The following LRP2 variants were observed in gnomAD, a reference collection of about 807,000 sequenced individuals.
LRP2 encodes the protein low-density lipoprotein receptor-related protein 2.
LRP2 carries 172 observed loss-of-function variants against 531.0 expected under a neutral mutation model. The ratio of observed to expected loss-of-function variants is 0.32; its 90% CI spans 0.29 to 0.37. The LOEUF is 0.37. LRP2 is among the 10% of genes least tolerant of loss of function. LRP2 has a pLI of 1.00. For synonymous variants in LRP2, 1,992 were observed against 2,027.6 expected (o/e 0.98, Z 0.47); for missense variants, 5,167 against 5,868.3 (o/e 0.88, Z 3.90).
In LRP2 at chr2:169,202,793, G is replaced by C; in HGVS notation, c.8172C>G (p.Asp2724Glu). ...CCATCTCATCACTGCCATCCCCACA[G>C]TCGTTGTCATTATCACACTTCCACT... The part of the protein sequence containing the change: ...SEEWKCDNDN[D>E]CGDGSDEMES... Residue 2724 changes from aspartate to glutamate, a missense_variant, in exon 43 of 79, where the codon GAC becomes GAG. Physicochemically the swap from Asp to Glu is conservative, Grantham distance 45 (BLOSUM62 2). Transcript: ENST00000649046. The C allele has an allele frequency of 6.2e-7, 1 of 1,614,118 alleles. No individual in the cohort carries two copies. The highest frequency in any genetic ancestry group is 2.2e-5 in the East Asian group (1 of 44,880).
At chr2:169,204,346 T>C (rs866349625) in intron 41 of LRP2, 75 bp from the exon 42 acceptor site, 2 of 1,338,164 alleles carry the variant, frequency 1.5e-6, no homozygotes. Context: ...GCCCAATGCA[T>C]GCGCCTCATC....
At chr2:169,348,303 A>T (rs1406654651) in intron 1 of LRP2, among the ~76,000 whole-genome samples, 1 of 152,208 alleles carries the variant, frequency 6.6e-6, no homozygotes, top group Non-Finnish European at 1.5e-5. Context: ...TGGAGTCCTC[A>T]AAAGAATGGG....
At chr2:169,132,977 C>T (rs1042894239) in intron 76 of LRP2, among the ~76,000 whole-genome samples, 1 of 152,176 alleles carries the variant, frequency 6.6e-6, no homozygotes, top group Non-Finnish European at 1.5e-5. Flanking sequence ...ATTCTCTATA[C>T]CTTCTTACTC....
At chr2:169,242,138 G>A (rs1428293128) in intron 24 of LRP2, among the ~76,000 whole-genome samples, 5 of 152,116 alleles carry the variant, frequency 3.3e-5, no homozygotes, top group African/African-American at 1.2e-4. Context: ...TTTAATCCAT[G>A]GCTTTACACA....
intron 1 of LRP2, among the ~76,000 whole-genome samples, chr2:169,327,788 C>G (rs1447654598): frequency 8.5e-6 from 1 of 117,758 alleles, no homozygotes; most frequent in African/African-American, 3.4e-5. Context: ...GCCAGCCGCC[C>G]CGTCTGGGAG....
chr2:169,228,806 G>A (rs979553462), intron 31 of LRP2, among the ~76,000 whole-genome samples: 2 of 152,216 alleles, frequency 1.3e-5, no homozygotes, highest in Non-Finnish European at 2.9e-5. Flanking sequence ...GGGGGATGAT[G>A]CCAGGGGAGT....
intron 72 of LRP2, among the ~76,000 whole-genome samples, chr2:169,139,884 G>C (rs1446657561): frequency 1.3e-5 from 2 of 152,208 alleles, no homozygotes. Flanking sequence ...TCTATGCAAT[G>C]CTTCCTTAGA....
chr2:169,301,739 C>A (rs1574235944), intron 4 of LRP2, among the ~76,000 whole-genome samples: 1 of 152,090 alleles, frequency 6.6e-6, no homozygotes, highest in African/African-American at 2.4e-5. Context: ...TGCCTGCCTC[C>A]CTGAGAGGAC....
intron 19 of LRP2, among the ~76,000 whole-genome samples, chr2:169,248,674 A>G (rs549569802): frequency 8.1e-6 from 1 of 124,126 alleles, no homozygotes; most frequent in Non-Finnish European, 1.7e-5. Flanking sequence ...TACAGCTCCC[A>G]GCGTGAGCGA....
At chr2:169,344,827 G>T (rs1329585408) in intron 1 of LRP2, among the ~76,000 whole-genome samples, 1 of 152,154 alleles carries the variant, frequency 6.6e-6, no homozygotes, top group Non-Finnish European at 1.5e-5. Context: ...GAGCAAAGGT[G>T]TCCTTAAGCC....
intron 77 of LRP2, among the ~76,000 whole-genome samples, chr2:169,130,056 A>G (rs897288718): frequency 3.5e-4 from 54 of 152,200 alleles, no homozygotes; most frequent in African/African-American, 1.2e-3. Context: ...TGCTTTGTAC[A>G]TAGTGCCCCC....
intron 76 of LRP2, among the ~76,000 whole-genome samples, chr2:169,134,889 T>C (rs1051328012): frequency 6.6e-6 from 1 of 152,212 alleles, no homozygotes; most frequent in African/African-American, 2.4e-5. Flanking sequence ...ATCCCATCGC[T>C]CAGGACAATG....
rs114533035 is a variant in LRP2 at position 169,220,579 on chromosome 2, A to C, written c.5539-16T>G. 1,871 of 1,529,618 alleles carry C rather than the reference A, an allele frequency of 1.2e-3. 19 individuals carry two copies. In the African/African-American group the frequency reaches 0.019, roughly 16 times the overall value. The allele number at this position is 1,529,618 out of a possible 1,614,324, so 94.8% of individuals were successfully genotyped here. A position where few individuals can be genotyped will look rare whatever the true frequency, so the allele number is the denominator to read the frequency against. ...GTGTCAAAACCTATAGCATAAAATC[A>C]CTTATTAGAACTGACTTTCATAAGG... On this transcript the variant is annotated splice_polypyrimidine_tract_variant and intron_variant, in intron 33 of 78. Coordinates refer to ENST00000649046, the MANE Select transcript of LRP2 (RefSeq NM_004525.3).
intron 76 of LRP2, among the ~76,000 whole-genome samples, chr2:169,136,464 A>C (rs868237817): frequency 2.3e-4 from 35 of 152,288 alleles, no homozygotes; most frequent in African/African-American, 8.2e-4. Flanking sequence ...AGATGGCCTG[A>C]AGTAACTGAA....
chr2:169,292,144 C>G, intron 7 of LRP2, 109 bp downstream of exon 7: 2 of 888,388 alleles, frequency 2.3e-6, no homozygotes, highest in East Asian at 2.4e-5. Flanking sequence ...CCAGCCAATC[C>G]TGAGGCTTGC....
At chr2:169,237,849 G>T (rs1689661216) in intron 27 of LRP2, among the ~76,000 whole-genome samples, 1 of 152,144 alleles carries the variant, frequency 6.6e-6, no homozygotes, top group Admixed American at 6.6e-5. Context: ...ACATTGTGAG[G>T]TCTCTGCATC....
chr2:169,185,788 T>A lies in LRP2; in HGVS notation c.9560A>T (p.Asp3187Val). 3 of 1,613,986 alleles carry A rather than the reference T, an allele frequency of 1.9e-6. No homozygotes were observed. In the South Asian group the frequency reaches 3.3e-5, roughly 18 times the overall value. The change falls in exon 50 of 79, where the codon GAT becomes GTT. Residue 3187 changes from aspartate to valine, a missense_variant. This residue lies in a region of LRP2 where 1,129 missense variants were observed against 1,362.7 expected (regional missense o/e 0.83). Coordinates refer to ENST00000649046, the MANE Select transcript of LRP2 (RefSeq NM_004525.3). Reference sequence around the variant, plus strand: ...ACTGTTTTGCCGGCAGGTCTTTCCATCTGGTTCTCGGAGGTAGCCTGGGGC... The same window carrying A: ...ACTGTTTTGCCGGCAGGTCTTTCCAACTGGTTCTCGGAGGTAGCCTGGGGC... ...KCAPGYLREP[D>V]GKTCRQNSNI...
At chr2:169,217,759 ACTT>A (rs1360541082) in intron 34 of LRP2, among the ~76,000 whole-genome samples, 1 of 152,112 alleles carries the variant, frequency 6.6e-6, no homozygotes, top group Non-Finnish European at 1.5e-5. Flanking sequence ...AAGTCATTCT[ACTT>A]CATAAATTTC....
chr2:169,324,796 C>T (rs1036047087), intron 1 of LRP2, among the ~76,000 whole-genome samples: 1 of 152,134 alleles, frequency 6.6e-6, no homozygotes, highest in African/African-American at 2.4e-5. Flanking sequence ...AGGAACAACA[C>T]TGGATTGAGA....
Sources: gnomAD v4.1 joint callset for allele counts (sites outside exome capture counted in the v4.1 genomes callset) on GRCh38, gnomAD v4.1.1 for gene constraint, gnomAD v4.1.1 regional missense constraint, MANE v1.5 for transcripts, NCBI Gene and HGNC (gene_info 2026-07-23, HGNC 2026-07-21) for gene names.